Variants in DNAJC1 observed in about 807,000 individuals in gnomAD.
DNAJC1 encodes the protein dnaJ homolog subfamily C member 1.
A neutral mutation model predicts 76.6 loss-of-function variants in DNAJC1; 58 were observed. That is an observed-to-expected ratio of 0.76 (90% CI 0.61 to 0.94). DNAJC1 has a LOEUF of 0.94. DNAJC1 is among the 40% of genes least tolerant of loss of function. The pLI is 0.00. For missense variants in DNAJC1, 689 were observed against 677.3 expected, an observed-to-expected ratio of 1.02 and a Z score of -0.19; for synonymous variants, 258 against 267.9, an observed-to-expected ratio of 0.96 and a Z score of 0.36.
intron 8 of DNAJC1, among the ~76,000 whole-genome samples, chr10:21,876,735 G>C (rs1836194208): frequency 1.3e-5 from 2 of 152,168 alleles, no homozygotes; most frequent in Non-Finnish European, 2.9e-5. Flanking sequence ...TGTGGAAACA[G>C]ACCTACACAG....
intron 1 of DNAJC1, among the ~76,000 whole-genome samples, chr10:21,958,190 T>A (rs924176543): frequency 3.3e-5 from 5 of 152,168 alleles, no homozygotes; most frequent in Non-Finnish European, 7.4e-5. Flanking sequence ...TTTCTCCATA[T>A]AATACTAATA....
intron 1 of DNAJC1, among the ~76,000 whole-genome samples, chr10:21,976,354 G>A (rs1838061994): frequency 6.6e-6 from 1 of 152,114 alleles, no homozygotes; most frequent in African/African-American, 2.4e-5. Context: ...TATGAGGTAG[G>A]GCCAATAATA....
intron 1 of DNAJC1, among the ~76,000 whole-genome samples, chr10:21,987,062 A>G (rs1302849999): frequency 6.6e-6 from 1 of 152,212 alleles, no homozygotes; most frequent in African/African-American, 2.4e-5. Context: ...CACCACGCCC[A>G]GCCCAATGTA....
intron 8 of DNAJC1, among the ~76,000 whole-genome samples, chr10:21,816,316 T>C (rs1835074122): frequency 6.6e-6 from 1 of 151,864 alleles, no homozygotes; most frequent in Admixed American, 6.5e-5. Flanking sequence ...GCCAAGATCG[T>C]GCCACTGCGC....
chr10:21,870,250 T>C (rs1347443603), intron 8 of DNAJC1, among the ~76,000 whole-genome samples: 1 of 152,082 alleles, frequency 6.6e-6, no homozygotes, highest in Non-Finnish European at 1.5e-5. Flanking sequence ...CTTAACAATA[T>C]TCATTTGTAA....
At chr10:22,002,509 C>G (rs1838536264) in intron 1 of DNAJC1, among the ~76,000 whole-genome samples, 2 of 152,126 alleles carry the variant, frequency 1.3e-5, no homozygotes, top group Admixed American at 1.3e-4. Flanking sequence ...CATTACTGAC[C>G]GGGGGCTTCT....
At chr10:21,852,330 G>C (rs1835769902) in intron 8 of DNAJC1, among the ~76,000 whole-genome samples, 1 of 152,128 alleles carries the variant, frequency 6.6e-6, no homozygotes, top group Non-Finnish European at 1.5e-5. Context: ...GGTGGGCAAT[G>C]AGAAGCAATT....
chr10:21,967,623 G>A (rs1297257182), intron 1 of DNAJC1, among the ~76,000 whole-genome samples: 1 of 152,174 alleles, frequency 6.6e-6, no homozygotes, highest in Non-Finnish European at 1.5e-5. Context: ...CTAAGACCCT[G>A]TAACAAAGAG....
intron 7 of DNAJC1, among the ~76,000 whole-genome samples, chr10:21,892,192 C>A (rs1836472588): frequency 6.6e-6 from 1 of 151,410 alleles, no homozygotes; most frequent in Non-Finnish European, 1.5e-5. Context: ...ATTCAAGTGG[C>A]ATTCTAAAAA....
intron 6 of DNAJC1, among the ~76,000 whole-genome samples, chr10:21,912,694 T>A (rs1564825590): frequency 6.6e-6 from 1 of 151,956 alleles, no homozygotes; most frequent in Non-Finnish European, 1.5e-5. Context: ...AAAATCTGTT[T>A]AACTCTAAGT....
At chr10:21,939,712 T>C (rs973430240) in intron 1 of DNAJC1, among the ~76,000 whole-genome samples, 2 of 152,124 alleles carry the variant, frequency 1.3e-5, no homozygotes, top group Non-Finnish European at 2.9e-5. Flanking sequence ...CTGGAACAAC[T>C]ACAAAATTGC....
intron 1 of DNAJC1, among the ~76,000 whole-genome samples, chr10:21,950,858 G>C (rs1033807383): frequency 2.6e-5 from 4 of 152,264 alleles, no homozygotes; most frequent in Middle Eastern, 3.4e-3. Context: ...TCATTTCTGA[G>C]AAGGACAAGA....
At chr10:21,891,399 T>A (rs996087761) in intron 7 of DNAJC1, among the ~76,000 whole-genome samples, 1 of 133,754 alleles carries the variant, frequency 7.5e-6, no homozygotes, top group Admixed American at 8.7e-5. Context: ...AACAGCAGAA[T>A]GAAGCAAACA....
intron 7 of DNAJC1, among the ~76,000 whole-genome samples, chr10:21,891,476 C>CA (rs369729722): frequency 0.061 from 2,364 of 38,800 alleles, 42 homozygotes; most frequent in African/African-American, 0.085. Flanking sequence ...ACAAAGTAGA[C>CA]AAAAAAAAAA....
rs576425537 is a variant in DNAJC1, at chr10:21,908,055, TATATA to T, written c.730-3448_730-3444del. 6.5e-3 allele frequency among the ~76,000 whole-genome samples: 760 copies of T among 117,702 alleles called. 8 individuals carry two copies. Among genetic ancestry groups the T allele is most frequent in the African/African-American group, 0.017 (516 of 30,128 alleles). The allele number at this position is 117,702 out of a possible 152,430, so 77.2% of individuals were successfully genotyped here. ...TATAATATAATATAATATATAAATA[TATATA>T]ATATAATATACATAAATATATATTA... On this transcript the variant is annotated intron_variant, in intron 6 of 11. Transcript: ENST00000376980.
intron 8 of DNAJC1, among the ~76,000 whole-genome samples, chr10:21,818,312 C>T (rs936608487): frequency 2.0e-5 from 3 of 152,144 alleles, no homozygotes; most frequent in Non-Finnish European, 2.9e-5. Flanking sequence ...AGGAAATTCC[C>T]GCCTAATAAA....
At chr10:21,969,493 G>A (rs751063302) in intron 1 of DNAJC1, among the ~76,000 whole-genome samples, 6 of 152,152 alleles carry the variant, frequency 3.9e-5, no homozygotes, top group Non-Finnish European at 7.3e-5. Context: ...ACCAATGACT[G>A]AGTCAAAAAG....
At position 21,760,862 on chromosome 10, in the gene DNAJC1, T is replaced by C. The variant is rs188521920; in HGVS notation, c.1148-1244A>G. Among the ~76,000 whole-genome samples the C allele has an allele frequency of 3.9e-5, 6 of 152,288 alleles. No individual in the cohort carries two copies. The East Asian group carries it at 1.2e-3, about 29-fold the overall frequency. ...CTATGGAAATAATTACAGATGTATATACAAATTTAGCTACAAAGAGGCAGT... is the reference window on the plus strand; with the variant it reads ...CTATGGAAATAATTACAGATGTATACACAAATTTAGCTACAAAGAGGCAGT... On this transcript the variant is annotated intron_variant, in intron 10 of 11. Transcript: ENST00000376980.
intron 8 of DNAJC1, among the ~76,000 whole-genome samples, chr10:21,823,576 C>T (rs985029888): frequency 1.3e-5 from 2 of 152,078 alleles, no homozygotes; most frequent in African/African-American, 2.4e-5. Context: ...TTTCTTCCTT[C>T]CGTATTCATT....
Sources: allele counts gnomAD v4.1 joint callset (sites outside exome capture counted in the v4.1 genomes callset), GRCh38; gene constraint gnomAD v4.1.1; transcripts MANE v1.5; gene names NCBI Gene and HGNC (gene_info 2026-07-23, HGNC 2026-07-21).